CAST: variants seen among roughly 807,000 people sequenced by gnomAD.
CAST encodes calpastatin, also known as MIR583 host.
A neutral mutation model predicts 119.6 loss-of-function variants in CAST; 76 were observed. The ratio of observed to expected loss-of-function variants is 0.64; its 90% confidence interval spans 0.53 to 0.77. CAST has a LOEUF of 0.77. CAST is among the 30% of genes least tolerant of loss of function. The probability of loss-of-function intolerance (pLI) is 0.00; values close to 1 mark genes in which losing one functional copy is unlikely to be tolerated. For synonymous variants in CAST, 319 were observed against 331.6 expected (o/e 0.96, Z 0.41); for missense variants, 953 against 946.5 (o/e 1.01, Z -0.09).
chr5:96,471,380 A>C, the CAST span, among the ~76,000 whole-genome samples: 1 of 152,120 alleles, frequency 6.6e-6, no homozygotes, highest in African/African-American at 2.4e-5. Context: ...ATTGAATTGC[A>C]ATTTAAAAAA....
the CAST span, among the ~76,000 whole-genome samples, chr5:96,200,186 G>A: frequency 1.4e-4 from 21 of 152,090 alleles, no homozygotes; most frequent in Non-Finnish European, 1.3e-4. Context: ...TCACCCATGT[G>A]CTTCACTCCC....
At chr5:96,741,442 C>G in intron 14 of CAST, 52 bp from the exon 15 acceptor site, 2 of 1,493,624 alleles carry the variant, frequency 1.3e-6, no homozygotes, top group Admixed American at 3.4e-5. Context: ...CAGGCTATTA[C>G]AGTTAAACTT....
chr5:96,156,791 A>C, the CAST span, among the ~76,000 whole-genome samples: 1 of 152,176 alleles, frequency 6.6e-6, no homozygotes, highest in Non-Finnish European at 1.5e-5. Flanking sequence ...AATTGACTAA[A>C]GTTTCTCGGA....
the CAST span, among the ~76,000 whole-genome samples, chr5:96,370,217 C>T: frequency 6.6e-6 from 1 of 151,908 alleles, no homozygotes; most frequent in Non-Finnish European, 1.5e-5. Context: ...GTCTTGCTGA[C>T]TTGCCTAAGA....
At chr5:96,324,249 A>G in the CAST span, among the ~76,000 whole-genome samples, 1 of 152,152 alleles carries the variant, frequency 6.6e-6, no homozygotes, top group South Asian at 2.1e-4. Context: ...TACCTTATTA[A>G]TTGTAATCAC....
the CAST span, chr5:96,421,797 G>A: frequency 4.8e-6 from 4 of 828,430 alleles, no homozygotes; most frequent in African/African-American, 6.7e-5. Flanking sequence ...CTGGAATGTG[G>A]ATGAAATATA....
the CAST span, among the ~76,000 whole-genome samples, chr5:96,007,550 G>T: frequency 6.6e-6 from 1 of 152,136 alleles, no homozygotes; most frequent in Non-Finnish European, 1.5e-5. Flanking sequence ...AGGTAATTAG[G>T]TTTAGATGAG....
chr5:96,753,152 C>A (rs1468422835), intron 20 of CAST, among the ~76,000 whole-genome samples: 5 of 151,988 alleles, frequency 3.3e-5, no homozygotes, highest in South Asian at 2.1e-4. Flanking sequence ...CACCATCATG[C>A]CTGGCTAATT....
At chr5:96,443,382 C>T in the CAST span, among the ~76,000 whole-genome samples, 1 of 152,190 alleles carries the variant, frequency 6.6e-6, no homozygotes, top group Admixed American at 6.5e-5. Flanking sequence ...GCCAGCCAGG[C>T]ACTCCAAGAA....
chr5:96,291,537 C>T, the CAST span, among the ~76,000 whole-genome samples: 46 of 152,122 alleles, frequency 3.0e-4, 1 homozygote, highest in East Asian at 8.7e-3. Context: ...CTTGGTCTTG[C>T]TGAGGCTAGA....
chr5:96,440,525 GT>G, the CAST span, among the ~76,000 whole-genome samples: 5 of 151,868 alleles, frequency 3.3e-5, no homozygotes, highest in South Asian at 2.1e-4. Context: ...GGTAGCAAAA[GT>G]TTTTTCTAAG....
At chr5:96,438,933 A>AT in the CAST span, among the ~76,000 whole-genome samples, 1 of 152,140 alleles carries the variant, frequency 6.6e-6, no homozygotes, top group South Asian at 2.1e-4. Context: ...ATGTCAGGAG[A>AT]TTTTTCTGTG....
intron 1 of CAST, among the ~76,000 whole-genome samples, chr5:96,576,657 T>C (rs1299669538): frequency 6.6e-6 from 1 of 151,970 alleles, no homozygotes; most frequent in Admixed American, 6.6e-5. Flanking sequence ...TATCTAAAGA[T>C]TTTTTTTCAT....
chr5:96,710,307 T>C (rs1184521687), intron 3 of CAST, among the ~76,000 whole-genome samples: 1 of 152,176 alleles, frequency 6.6e-6, no homozygotes, highest in African/African-American at 2.4e-5. Context: ...TGTACAGCAA[T>C]AGACGGTAGA....
At chr5:96,681,155 G>T (rs1751371598) in intron 2 of CAST, among the ~76,000 whole-genome samples, 1 of 152,182 alleles carries the variant, frequency 6.6e-6, no homozygotes, top group South Asian at 2.1e-4. Context: ...TATTTTCTAA[G>T]ATATTTTTTT....
chr5:96,433,040 C>T, the CAST span: 1 of 1,613,978 alleles, frequency 6.2e-7, no homozygotes, highest in Non-Finnish European at 8.5e-7. Flanking sequence ...CTCTTCGCTC[C>T]ATAGCTCACA....
chr5:96,055,031 G>T, the CAST span, among the ~76,000 whole-genome samples: 1 of 152,128 alleles, frequency 6.6e-6, no homozygotes, highest in African/African-American at 2.4e-5. Flanking sequence ...TCAAATTTGA[G>T]TGCATGCTCC....
intron 24 of CAST, among the ~76,000 whole-genome samples, chr5:96,758,301 T>C (rs1169880024): frequency 6.6e-6 from 1 of 152,202 alleles, no homozygotes; most frequent in East Asian, 1.9e-4. Flanking sequence ...CTTAGCTCCA[T>C]GTGGAATATA....
chr5:96,494,389 T>C, the CAST span, among the ~76,000 whole-genome samples: 1 of 152,144 alleles, frequency 6.6e-6, no homozygotes, highest in Non-Finnish European at 1.5e-5. Context: ...AAAGTTTTGA[T>C]ATAAAGACAT....
Sources: gnomAD v4.1 joint callset for allele counts (sites outside exome capture counted in the v4.1 genomes callset) on GRCh38, gnomAD v4.1.1 for gene constraint, MANE v1.5 for transcripts, NCBI Gene and HGNC (gene_info 2026-07-23, HGNC 2026-07-21) for gene names.